The following TENM4 variants were observed in gnomAD, a reference collection of about 807,000 sequenced individuals.
The protein encoded by TENM4 is teneurin transmembrane protein 4, also known as teneurin-4.
TENM4 carries 82 observed loss-of-function variants against 243.3 expected under a neutral mutation model. The observed-to-expected ratio is 0.34, with a 90% CI of 0.28 to 0.40. The LOEUF (loss-of-function observed/expected upper bound fraction) is 0.40, where lower values mean the gene tolerates loss of function less well. Ranked by LOEUF, TENM4 falls within the 10% of genes least tolerant of loss-of-function variation. TENM4 has a pLI of 1.00. For missense variants in TENM4, 3,138 were observed against 3,673.3 expected (o/e 0.85, Z 3.77); for synonymous variants, 1,412 against 1,456.3 (o/e 0.97, Z 0.69).
At chr11:78,717,133 C>G (rs934628670) in intron 25 of TENM4, among the ~76,000 whole-genome samples, 3 of 152,216 alleles carry the variant, frequency 2.0e-5, no homozygotes, top group Non-Finnish European at 2.9e-5. Context: ...GTTCCTCAAA[C>G]ATAACCTTAG....
At chr11:79,022,644 A>G (rs1858963152) in intron 6 of TENM4, among the ~76,000 whole-genome samples, 1 of 152,238 alleles carries the variant, frequency 6.6e-6, no homozygotes, top group Admixed American at 6.5e-5. Flanking sequence ...AAAGACACAC[A>G]CGATAGCATT....
At chr11:79,093,802 G>T (rs1591277404) in intron 4 of TENM4, 1 of 152,148 alleles carries the variant, frequency 6.6e-6, no homozygotes, top group African/African-American at 2.4e-5. Flanking sequence ...AGCCTCCATT[G>T]CTCTCAACTC....
At chr11:78,947,072 C>T (rs1267466365) in intron 6 of TENM4, among the ~76,000 whole-genome samples, 1 of 152,200 alleles carries the variant, frequency 6.6e-6, no homozygotes, top group Non-Finnish European at 1.5e-5. Flanking sequence ...AGAAATTCTA[C>T]TGTGGGTAAA....
chr11:79,026,296 C>T (rs1029847003), intron 6 of TENM4, among the ~76,000 whole-genome samples: 1 of 152,192 alleles, frequency 6.6e-6, no homozygotes, highest in African/African-American at 2.4e-5. Flanking sequence ...GTTGTTCAAC[C>T]AGGCACTGTT....
intron 1 of TENM4, among the ~76,000 whole-genome samples, chr11:79,398,737 T>C (rs868604503): frequency 1.9e-5 from 2 of 102,766 alleles, no homozygotes; most frequent in Non-Finnish European, 3.8e-5. Context: ...TCAGATGCTT[T>C]AAAAAAAAAA....
intron 1 of TENM4, among the ~76,000 whole-genome samples, chr11:79,366,665 C>A (rs781590726): frequency 6.6e-6 from 1 of 152,198 alleles, no homozygotes; most frequent in Non-Finnish European, 1.5e-5. Flanking sequence ...CTCCACTGTA[C>A]AGTGCCTGGC....
chr11:79,415,140 G>A (rs1361938428), intron 1 of TENM4, among the ~76,000 whole-genome samples: 7 of 152,188 alleles, frequency 4.6e-5, no homozygotes, highest in Non-Finnish European at 8.8e-5. Flanking sequence ...TCTCTTGTCC[G>A]ATTCTAAGAT....
chr11:79,294,731 C>G (rs927268250), intron 2 of TENM4, among the ~76,000 whole-genome samples: 1 of 152,052 alleles, frequency 6.6e-6, no homozygotes, highest in African/African-American at 2.4e-5. Flanking sequence ...TGCATGTAAT[C>G]CCAGCTGCTT....
intron 6 of TENM4, among the ~76,000 whole-genome samples, chr11:79,030,598 A>G (rs998672965): frequency 2.0e-5 from 3 of 151,788 alleles, no homozygotes; most frequent in Non-Finnish European, 2.9e-5. Flanking sequence ...AATTTTAGAA[A>G]TTTCCTCGAG....
chr11:78,830,134 C>T (rs1357543233), intron 12 of TENM4, among the ~76,000 whole-genome samples: 1 of 152,216 alleles, frequency 6.6e-6, no homozygotes, highest in East Asian at 1.9e-4. Context: ...AAACATTTTA[C>T]AGACATTACT....
chr11:79,124,812 T>C (rs2137141458), intron 4 of TENM4, among the ~76,000 whole-genome samples: 1 of 146,532 alleles, frequency 6.8e-6, no homozygotes, highest in African/African-American at 2.5e-5. Flanking sequence ...TGTATGTGTA[T>C]ATATATGTAT....
chr11:79,283,825 A>C (rs1055510943), intron 2 of TENM4, among the ~76,000 whole-genome samples: 4 of 152,220 alleles, frequency 2.6e-5, no homozygotes, highest in African/African-American at 9.6e-5. Flanking sequence ...AGGAATCCAC[A>C]AAAGAGCTAT....
chr11:79,075,705 C>T (rs116581127), intron 4 of TENM4, among the ~76,000 whole-genome samples: 419 of 152,226 alleles, frequency 2.8e-3, no homozygotes, highest in African/African-American at 9.7e-3. Context: ...AGCATGTGGC[C>T]CCCAGGTGAG....
chr11:79,144,355 T>A (rs995068538), intron 4 of TENM4, among the ~76,000 whole-genome samples: 57 of 151,962 alleles, frequency 3.8e-4, no homozygotes, highest in Non-Finnish European at 1.5e-4. Flanking sequence ...ACAACCGCTA[T>A]GGAGAACAGT....
chr11:79,419,536 G>A (rs532632912), intron 1 of TENM4, among the ~76,000 whole-genome samples: 1 of 152,256 alleles, frequency 6.6e-6, no homozygotes, highest in African/African-American at 2.4e-5. Flanking sequence ...AATTAGATTG[G>A]CAAAAAGGAA....
intron 3 of TENM4, among the ~76,000 whole-genome samples, chr11:79,185,544 A>G (rs750416065): frequency 1.3e-5 from 2 of 152,156 alleles, no homozygotes; most frequent in Non-Finnish European, 2.9e-5. Context: ...GCATGGTGCC[A>G]TTTGACTCTT....
At chr11:78,878,418 C>T (rs1347372918) in intron 9 of TENM4, among the ~76,000 whole-genome samples, 1 of 152,142 alleles carries the variant, frequency 6.6e-6, no homozygotes. Flanking sequence ...ACCACAAGCA[C>T]CATAAAGGCA....
chr11:79,246,983 C>CT (rs1472977934), intron 2 of TENM4, among the ~76,000 whole-genome samples: 1 of 102,312 alleles, frequency 9.8e-6, no homozygotes, highest in Non-Finnish European at 2.0e-5. Flanking sequence ...TATTGTATTT[C>CT]TCAAAAAAAA....
chr11:79,186,505 T>C (rs1482477517), intron 3 of TENM4, among the ~76,000 whole-genome samples: 1 of 152,222 alleles, frequency 6.6e-6, no homozygotes, highest in Non-Finnish European at 1.5e-5. Flanking sequence ...GTAAATGACA[T>C]GCAAAACAAA....
Sources: gnomAD v4.1 joint callset for allele counts (sites outside exome capture counted in the v4.1 genomes callset) on GRCh38, gnomAD v4.1.1 for gene constraint, MANE v1.5 for transcripts, NCBI Gene and HGNC (gene_info 2026-07-23, HGNC 2026-07-21) for gene names.